DCC: variants seen among roughly 807,000 people sequenced by gnomAD.
The protein encoded by DCC is netrin receptor DCC.
Under a neutral mutation model 172.5 loss-of-function variants are expected in DCC, and 58 were observed. The observed-to-expected ratio is 0.34, with a 90% confidence interval of 0.27 to 0.42. The LOEUF (loss-of-function observed/expected upper bound fraction) is 0.42. DCC is among the 10% of genes least tolerant of loss of function. DCC has a pLI of 1.00. For missense variants in DCC, 1,740 were observed against 1,791.0 expected, an observed-to-expected ratio of 0.97 and a Z score of 0.51; for synonymous variants, 709 against 644.5, an observed-to-expected ratio of 1.10 and a Z score of -1.52.
chr18:52,341,834 G>A (rs138295563), intron 1 of DCC, among the ~76,000 whole-genome samples: 1 of 152,064 alleles, frequency 6.6e-6, no homozygotes, highest in East Asian at 1.9e-4. Context: ...CTGGGGTACA[G>A]TGAGCGGTCC....
chr18:52,761,899 ACT>A (rs1356360176), intron 2 of DCC, among the ~76,000 whole-genome samples: 3 of 135,778 alleles, frequency 2.2e-5, no homozygotes, highest in Non-Finnish European at 3.0e-5. Context: ...AAAGAGTGAG[ACT>A]CTGTCTCAAA....
intron 1 of DCC, among the ~76,000 whole-genome samples, chr18:52,606,804 GT>G (rs2034141164): frequency 1.3e-5 from 2 of 152,092 alleles, no homozygotes; most frequent in Admixed American, 6.6e-5. Context: ...AGCAAATTAA[GT>G]AAGTATACTG....
At chr18:52,550,222 C>G (rs1174302212) in intron 1 of DCC, among the ~76,000 whole-genome samples, 2 of 151,836 alleles carry the variant, frequency 1.3e-5, no homozygotes, top group African/African-American at 4.8e-5. Context: ...AAACACCTGA[C>G]CAGTCCTCCT....
intron 2 of DCC, among the ~76,000 whole-genome samples, chr18:52,876,631 G>A (rs1237664366): frequency 1.3e-5 from 2 of 152,206 alleles, no homozygotes; most frequent in South Asian, 2.1e-4. Context: ...GCTAACAGAA[G>A]GAATGGTCTG....
intron 2 of DCC, among the ~76,000 whole-genome samples, chr18:52,816,337 A>C (rs910798133): frequency 6.6e-6 from 1 of 152,226 alleles, no homozygotes; most frequent in Non-Finnish European, 1.5e-5. Context: ...CTCTCCAGTC[A>C]ACGAAAACAT....
At chr18:53,311,125 T>A (rs574463350) in intron 13 of DCC, among the ~76,000 whole-genome samples, 10 of 106,162 alleles carry the variant, frequency 9.4e-5, no homozygotes, top group African/African-American at 3.7e-4. Context: ...TTATTTTATT[T>A]ATTTATTTTT....
rs72918283 is a variant in DCC at position 53,507,829 on chromosome 18, G to C, written c.4111+8319G>C. ...TTGACATTTCTGATTCTTTTACCCA[G>C]CAAGTTTTATGTATTTTTCTACTTC... On this transcript the variant is annotated intron_variant, in intron 27 of 28. Coordinates refer to ENST00000442544, the MANE Select transcript of DCC (RefSeq NM_005215.4). Among the ~76,000 whole-genome samples, 1,500 of 151,380 alleles carry C rather than the reference G, an allele frequency of 9.9e-3. 45 individuals are homozygous for C. Among genetic ancestry groups the C allele is most frequent in the East Asian group, 0.097 (498 of 5,144 alleles).
At chr18:52,672,223 A>T (rs1372668849) in intron 1 of DCC, among the ~76,000 whole-genome samples, 16 of 152,224 alleles carry the variant, frequency 1.1e-4, no homozygotes, top group African/African-American at 3.9e-4. Context: ...TGACCTAAGC[A>T]TATTTAACAA....
intron 14 of DCC, among the ~76,000 whole-genome samples, chr18:53,331,060 A>G (rs965943): frequency 0.34 from 51,380 of 152,072 alleles, 9,971 homozygotes; most frequent in East Asian, 0.59. Flanking sequence ...ACGAACTCTA[A>G]TTTCAGATAA....
intron 2 of DCC, among the ~76,000 whole-genome samples, chr18:52,880,282 A>G (rs1052776492): frequency 3.9e-5 from 6 of 152,048 alleles, no homozygotes; most frequent in African/African-American, 1.2e-4. Context: ...AATTATAGCC[A>G]TTCACTACCA....
chr18:53,341,542 A>G (rs533238450), intron 15 of DCC, among the ~76,000 whole-genome samples: 1 of 152,326 alleles, frequency 6.6e-6, no homozygotes, highest in South Asian at 2.1e-4. Flanking sequence ...GCACTCTACA[A>G]CTTACCTGGA....
At chr18:52,439,174 TTGTGTG>T (rs60983168) in intron 1 of DCC, among the ~76,000 whole-genome samples, 50 of 144,848 alleles carry the variant, frequency 3.5e-4, no homozygotes, top group Middle Eastern at 3.5e-3. Flanking sequence ...AAGATATGTT[TTGTGTG>T]TGTGTGTGTG....
chr18:52,799,648 A>C (rs138078094), intron 2 of DCC, among the ~76,000 whole-genome samples: 130 of 152,276 alleles, frequency 8.5e-4, no homozygotes, highest in African/African-American at 3.0e-3. Context: ...GGCACCCATG[A>C]ATCAGTATTT....
intron 1 of DCC, among the ~76,000 whole-genome samples, chr18:52,524,979 G>A (rs2031935967): frequency 6.6e-6 from 1 of 152,062 alleles, no homozygotes; most frequent in Admixed American, 6.6e-5. Flanking sequence ...TGTTAATAGT[G>A]TCAAGGTATG....
At chr18:52,794,532 T>C (rs941840987) in intron 2 of DCC, among the ~76,000 whole-genome samples, 1 of 152,058 alleles carries the variant, frequency 6.6e-6, no homozygotes, top group African/African-American at 2.4e-5. Flanking sequence ...GTTCTGAGTT[T>C]TTTGGTGGAG....
intron 2 of DCC, among the ~76,000 whole-genome samples, chr18:52,822,462 G>A (rs1334479272): frequency 6.6e-6 from 1 of 152,200 alleles, no homozygotes; most frequent in Non-Finnish European, 1.5e-5. Context: ...GAGCTGAGAG[G>A]CCTTTTTCTT....
At chr18:53,435,372 AAAC>A (rs1162582584) in intron 22 of DCC, among the ~76,000 whole-genome samples, 163 bp downstream of exon 22, 1 of 150,934 alleles carries the variant, frequency 6.6e-6, no homozygotes, top group Non-Finnish European at 1.5e-5. Flanking sequence ...ACAAAAACAA[AAAC>A]AAAAAAAACA....
intron 1 of DCC, among the ~76,000 whole-genome samples, chr18:52,577,473 A>G (rs576206824): frequency 3.2e-4 from 49 of 152,246 alleles, no homozygotes; most frequent in Non-Finnish European, 1.9e-4. Flanking sequence ...AACGTTTGCA[A>G]TAGAAAGTTC....
chr18:53,036,163 A>T (rs1046180624), intron 5 of DCC, among the ~76,000 whole-genome samples: 1 of 152,010 alleles, frequency 6.6e-6, no homozygotes, highest in Non-Finnish European at 1.5e-5. Flanking sequence ...AGGTTTACAA[A>T]AAATTTAAGA....
Sources: gnomAD v4.1 joint callset for allele counts (sites outside exome capture counted in the v4.1 genomes callset) on GRCh38, gnomAD v4.1.1 for gene constraint, MANE v1.5 for transcripts, NCBI Gene and HGNC (gene_info 2026-07-23, HGNC 2026-07-21) for gene names.